The following ABCC1 variants were observed in gnomAD, a reference collection of about 807,000 sequenced individuals.
ABCC1 encodes the protein multidrug resistance-associated protein 1.
Under a neutral mutation model 172.9 loss-of-function variants are expected in ABCC1, and 83 were observed. That is an observed-to-expected ratio of 0.48 (90% CI 0.40 to 0.58). The LOEUF (loss-of-function observed/expected upper bound fraction) is 0.58, where lower values mean the gene tolerates loss of function less well. Ranked by LOEUF, ABCC1 falls within the 20% of genes least tolerant of loss-of-function variation. ABCC1 has a pLI of 0.00. For synonymous variants in ABCC1, 937 were observed against 825.2 expected, an observed-to-expected ratio of 1.14 and a Z score of -2.32; for missense variants, 1,817 against 2,002.7, an observed-to-expected ratio of 0.91 and a Z score of 1.77.
intron 18 of ABCC1, among the ~76,000 whole-genome samples, chr16:16,090,145 T>G (rs1057224478): frequency 5.9e-5 from 9 of 152,118 alleles, no homozygotes; most frequent in Admixed American, 3.9e-4. Flanking sequence ...GGGGCAGGGG[T>G]CTTTGTTTCC....
intron 12 of ABCC1, among the ~76,000 whole-genome samples, chr16:16,066,769 T>C (rs1354796940): frequency 6.6e-6 from 1 of 151,374 alleles, no homozygotes; most frequent in East Asian, 2.0e-4. Context: ...CTGGGCATGG[T>C]GGTGGGCGCC....
At chr16:16,108,302 C>T (rs115789584) in intron 21 of ABCC1, among the ~76,000 whole-genome samples, 2,041 of 117,002 alleles carry the variant, frequency 0.017, 42 homozygotes, top group African/African-American at 0.057. Context: ...TTTTTTGAGA[C>T]GAAGTCCTGC....
At position 16,142,516 on chromosome 16, in the gene ABCC1, A is replaced by T. The variant is rs943037277; in HGVS notation, c.*1235A>T. The T allele has an allele frequency of 1.3e-5, 2 of 151,950 alleles. No homozygotes were observed. The highest frequency in any genetic ancestry group is 2.9e-5 in the Non-Finnish European group (2 of 67,954). The allele number at this position is 151,950 out of a possible 1,614,324, so 9.4% of individuals were successfully genotyped here. On this transcript the variant is annotated 3_prime_UTR_variant, in exon 31 of 31. Coordinates refer to ENST00000399410, the MANE Select transcript of ABCC1 (RefSeq NM_004996.4). ...TCCCTTGGCATCCGGTTAGCCCCCCAGGGGGGGCAGCATTGTGGAGAACTT... is the reference window on the plus strand; with the variant it reads ...TCCCTTGGCATCCGGTTAGCCCCCCTGGGGGGGCAGCATTGTGGAGAACTT...
intron 1 of ABCC1, among the ~76,000 whole-genome samples, chr16:15,963,146 C>G (rs967332005): frequency 1.3e-5 from 2 of 152,240 alleles, no homozygotes; most frequent in African/African-American, 2.4e-5. Flanking sequence ...ATCCAATAGG[C>G]CAGTCATAAA....
rs74011344 is a variant in ABCC1, at chr16:15,973,571, A to T, written c.48+23772A>T. ...GTAATGCTGCAATATGTCCATCGTG[A>T]TTGTGTTTTCTCCTGGGTGACTATC... On this transcript the variant is annotated intron_variant, in intron 1 of 30. Coordinates refer to ENST00000399410, the MANE Select transcript of ABCC1 (RefSeq NM_004996.4). Among the ~76,000 whole-genome samples, 43 of 152,140 alleles carry T rather than the reference A, an allele frequency of 2.8e-4. 1 individual carries two copies. The highest frequency in any genetic ancestry group is 9.9e-4 in the African/African-American group (41 of 41,504).
intron 22 of ABCC1, among the ~76,000 whole-genome samples, chr16:16,114,466 G>GAGTAGCTGGGATTACAGGCGCCAACCACC (rs1194406765): frequency 3.3e-5 from 5 of 151,632 alleles, no homozygotes; most frequent in Admixed American, 6.6e-5. Context: ...TCAGCCTCCC[G>GAGTAGCTGGGATTACAGGCGCCAACCACC]AGTAGCTGGG....
intron 19 of ABCC1, among the ~76,000 whole-genome samples, chr16:16,094,751 A>G (rs1242139190): frequency 6.7e-6 from 1 of 148,514 alleles, no homozygotes; most frequent in South Asian, 2.1e-4. Context: ...TCTTGACGTC[A>G]TGATCCGCCC....
intron 15 of ABCC1, among the ~76,000 whole-genome samples, chr16:16,078,393 G>A (rs960515864): frequency 1.3e-5 from 2 of 152,128 alleles, no homozygotes; most frequent in South Asian, 2.1e-4. Context: ...TCTGCTGTTC[G>A]TTAAAGGATG....
intron 12 of ABCC1, among the ~76,000 whole-genome samples, chr16:16,065,126 G>A (rs1234932838): frequency 2.6e-5 from 4 of 152,214 alleles, no homozygotes; most frequent in Non-Finnish European, 5.9e-5. Context: ...TGAAACAGTG[G>A]GAGTGAGGGG....
intron 7 of ABCC1, among the ~76,000 whole-genome samples, chr16:16,037,504 A>G (rs2048802554): frequency 6.6e-6 from 1 of 152,222 alleles, no homozygotes; most frequent in South Asian, 2.1e-4. Context: ...GCAGCTGCCA[A>G]TTAAACAAGG....
chr16:16,102,762 CA>C, intron 20 of ABCC1, 45 bp downstream of exon 20: 17 of 1,534,410 alleles, frequency 1.1e-5, no homozygotes, highest in Non-Finnish European at 1.4e-5. Context: ...CCTGCCCTGC[CA>C]GTGGGAGGAC....
chr16:16,112,787 G>A (rs942550509), intron 22 of ABCC1, among the ~76,000 whole-genome samples: 1 of 152,230 alleles, frequency 6.6e-6, no homozygotes, highest in Admixed American at 6.5e-5. Context: ...ACACATTTGA[G>A]TACTTCTGTA....
intron 21 of ABCC1, 41 bp from the exon 22 acceptor site, chr16:16,111,334 G>GGGTGC (rs2052379734): frequency 8.3e-7 from 1 of 1,198,782 alleles, no homozygotes; most frequent in African/African-American, 1.7e-5. Flanking sequence ...GGGGCTGGGT[G>GGGTGC]CGTGCATGTG....
intron 17 of ABCC1, among the ~76,000 whole-genome samples, chr16:16,084,198 G>A (rs2050918508): frequency 6.6e-6 from 1 of 152,060 alleles, no homozygotes; most frequent in East Asian, 1.9e-4. Context: ...TGCCTCCCGC[G>A]TTCAGGTGAT....
At chr16:15,986,786 G>T (rs769810227) in intron 1 of ABCC1, among the ~76,000 whole-genome samples, 2 of 152,206 alleles carry the variant, frequency 1.3e-5, no homozygotes, top group Non-Finnish European at 2.9e-5. Context: ...GGGCTATTCT[G>T]TGTACTGCAC....
At chr16:16,091,848 A>G (rs943866328) in intron 19 of ABCC1, among the ~76,000 whole-genome samples, 2 of 152,198 alleles carry the variant, frequency 1.3e-5, no homozygotes, top group Non-Finnish European at 2.9e-5. Flanking sequence ...TTGGTTCTCA[A>G]GTTGGTCTCT....
At chr16:16,103,624 T>A (rs1301808928) in intron 20 of ABCC1, among the ~76,000 whole-genome samples, 4 of 151,770 alleles carry the variant, frequency 2.6e-5, no homozygotes, top group African/African-American at 7.3e-5. Context: ...CAGAAAACAG[T>A]AAAACAACAA....
chr16:16,046,505 C>G lies in ABCC1; in HGVS notation c.1218+492C>G, dbSNP rs45465105. On this transcript the variant is annotated intron_variant, in intron 9 of 30. Transcript: ENST00000399410. ...GACTACAGGCGCCTGCCACCACGAC[C>G]GGCTAATTTTTGTATTTTTAGTAGA... Among the ~76,000 whole-genome samples, 262 of 152,188 alleles carry G rather than the reference C, an allele frequency of 1.7e-3. 1 individual carries two copies. Among genetic ancestry groups the G allele is most frequent in the African/African-American group, 5.4e-3 (226 of 41,530 alleles).
intron 15 of ABCC1, among the ~76,000 whole-genome samples, chr16:16,078,998 G>GTGTC (rs1342707906): frequency 6.6e-6 from 1 of 152,084 alleles, no homozygotes; most frequent in African/African-American, 2.4e-5. Context: ...TTGTCTTGAG[G>GTGTC]TGTCCTCTCC....
Sources: gnomAD v4.1 joint callset for allele counts (sites outside exome capture counted in the v4.1 genomes callset) on GRCh38, gnomAD v4.1.1 for gene constraint, MANE v1.5 for transcripts, NCBI Gene and HGNC (gene_info 2026-07-23, HGNC 2026-07-21) for gene names.